COL6A6: variants seen among roughly 807,000 people sequenced by gnomAD.
COL6A6 encodes collagen type VI alpha 6 chain.
COL6A6 carries 183 observed loss-of-function variants against 208.6 expected under a neutral mutation model. The observed-to-expected ratio is 0.88, with a 90% confidence interval of 0.78 to 0.99. The LOEUF is 0.99. COL6A6 is among the 50% of genes least tolerant of loss of function. The pLI is 0.00. For synonymous variants in COL6A6, 973 were observed against 1,011.8 expected, an observed-to-expected ratio of 0.96 and a Z score of 0.73; for missense variants, 2,816 against 2,815.2, an observed-to-expected ratio of 1.00 and a Z score of -0.01.
At chr3:130,671,141 C>T (rs1339766660) in intron 36 of COL6A6, among the ~76,000 whole-genome samples, 6 of 152,126 alleles carry the variant, frequency 3.9e-5, no homozygotes, top group Admixed American at 6.5e-5. Context: ...ATGGAGAGAT[C>T]GCAGAAGGAA....
chr3:130,607,632 G>C (rs1484569848), intron 21 of COL6A6, among the ~76,000 whole-genome samples: 8 of 152,046 alleles, frequency 5.3e-5, no homozygotes, highest in Non-Finnish European at 1.2e-4. Flanking sequence ...CTCATGAAAA[G>C]AATGAAAAAT....
chr3:130,550,230 G>A (rs2062611702), intron 1 of COL6A6, among the ~76,000 whole-genome samples: 1 of 152,124 alleles, frequency 6.6e-6, no homozygotes, highest in South Asian at 2.1e-4. Flanking sequence ...GAATTTTCTA[G>A]TTATAGAATC....
intron 3 of COL6A6, 90 bp downstream of exon 3, chr3:130,563,754 AT>A: frequency 1.2e-6 from 1 of 855,140 alleles, no homozygotes; most frequent in Non-Finnish European, 1.8e-6. Context: ...GAATATTCCT[AT>A]CCCCAAAATG....
At chr3:130,548,308 A>C (rs2062565861) in intron 1 of COL6A6, among the ~76,000 whole-genome samples, 1 of 152,186 alleles carries the variant, frequency 6.6e-6, no homozygotes, top group Non-Finnish European at 1.5e-5. Context: ...AGTGTTGCAT[A>C]GTTCTATGAG....
intron 1 of COL6A6, among the ~76,000 whole-genome samples, chr3:130,521,609 C>T (rs1711074312): frequency 6.6e-6 from 1 of 152,198 alleles, no homozygotes; most frequent in Admixed American, 6.5e-5. Flanking sequence ...GGGCCCTGCC[C>T]ATATTTTCCC....
intron 36 of COL6A6, among the ~76,000 whole-genome samples, chr3:130,668,944 G>C (rs1023922889): frequency 6.6e-6 from 1 of 152,184 alleles, no homozygotes; most frequent in African/African-American, 2.4e-5. Context: ...TTCTTCTGAA[G>C]AACATATGGA....
At chr3:130,526,979 C>T (rs746107101) in intron 1 of COL6A6, among the ~76,000 whole-genome samples, 4 of 147,874 alleles carry the variant, frequency 2.7e-5, no homozygotes, top group South Asian at 2.2e-4. Context: ...AATCGGTCTC[C>T]GAGAGTTTAA....
chr3:130,612,523 G>A (rs534955667), intron 23 of COL6A6, among the ~76,000 whole-genome samples: 1 of 152,156 alleles, frequency 6.6e-6, no homozygotes, highest in African/African-American at 2.4e-5. Context: ...CAGTGATTTT[G>A]AGCAGTTTTA....
At chr3:130,603,909 T>TG (rs2064102051) in intron 20 of COL6A6, among the ~76,000 whole-genome samples, 1 of 152,120 alleles carries the variant, frequency 6.6e-6, no homozygotes, top group Non-Finnish European at 1.5e-5. Flanking sequence ...AATGAAGGAC[T>TG]GAGTACCCTG....
chr3:130,590,288 TATATATATA>T (rs2063658187), intron 12 of COL6A6, among the ~76,000 whole-genome samples: 3 of 25,010 alleles, frequency 1.2e-4, no homozygotes, highest in African/African-American at 1.9e-4. Flanking sequence ...TATATATATA[TATATATATA>T]TATTTTTTTT....
At chr3:130,545,637 G>A (rs901018240) in intron 1 of COL6A6, among the ~76,000 whole-genome samples, 1 of 150,756 alleles carries the variant, frequency 6.6e-6, no homozygotes, top group Non-Finnish European at 1.5e-5. Flanking sequence ...TATTTTTTTG[G>A]TAGAGACAGA....
chr3:130,551,386 C>T (rs1397187454), intron 1 of COL6A6, among the ~76,000 whole-genome samples: 1 of 152,116 alleles, frequency 6.6e-6, no homozygotes, highest in Non-Finnish European at 1.5e-5. Context: ...CTTCCTGATT[C>T]ACTCTTGGGA....
upstream of COL6A6, among the ~76,000 whole-genome samples, chr3:130,516,936 C>G (rs865918540): frequency 6.6e-6 from 1 of 152,192 alleles, no homozygotes; most frequent in Non-Finnish European, 1.5e-5. Context: ...ACCATGAAAG[C>G]CCCAACTTCC....
At chr3:130,622,508 T>C (rs1250918100) in intron 24 of COL6A6, among the ~76,000 whole-genome samples, 1 of 151,098 alleles carries the variant, frequency 6.6e-6, no homozygotes, top group Non-Finnish European at 1.5e-5. Context: ...TAAAATGGAG[T>C]TTTAAATGGC....
At chr3:130,614,860 C>G (rs945995303) in intron 23 of COL6A6, among the ~76,000 whole-genome samples, 17 of 151,788 alleles carry the variant, frequency 1.1e-4, no homozygotes, top group African/African-American at 3.4e-4. Flanking sequence ...TGGTAATGCC[C>G]CCTTTTTCAT....
Position 130,560,342 on chromosome 3 carries a change from T to C in COL6A6, c.-23T>C. 1 of 1,594,982 alleles carries C rather than the reference T, an allele frequency of 6.3e-7. No individual in the cohort carries two copies. Among genetic ancestry groups the C allele is most frequent in the Non-Finnish European group, 8.5e-7 (1 of 1,170,380 alleles). On this transcript the variant is annotated 5_prime_UTR_variant, in exon 2 of 37. Transcript: ENST00000358511. ...TATTTTTGCCTTTTCAGATTTGAAGTTGAAGATTTTTCAGGTCATAATATG... is the reference window on the plus strand; with the variant it reads ...TATTTTTGCCTTTTCAGATTTGAAGCTGAAGATTTTTCAGGTCATAATATG...
At chr3:130,550,234 T>C (rs767489784) in intron 1 of COL6A6, among the ~76,000 whole-genome samples, 7 of 152,236 alleles carry the variant, frequency 4.6e-5, no homozygotes, top group African/African-American at 1.2e-4. Flanking sequence ...TTTCTAGTTA[T>C]AGAATCATAT....
chr3:130,674,912 A>C (rs1414734638), intron 36 of COL6A6, among the ~76,000 whole-genome samples: 1 of 152,194 alleles, frequency 6.6e-6, no homozygotes, highest in African/African-American at 2.4e-5. Flanking sequence ...ATTTGAACCC[A>C]AATCTAAACA....
chr3:130,552,969 G>T (rs1018402227), intron 1 of COL6A6, among the ~76,000 whole-genome samples: 1 of 151,840 alleles, frequency 6.6e-6, no homozygotes, highest in African/African-American at 2.4e-5. Flanking sequence ...AATAATATAG[G>T]CCTCCAATCT....
Sources: gnomAD v4.1 joint callset for allele counts (sites outside exome capture counted in the v4.1 genomes callset) on GRCh38, gnomAD v4.1.1 for gene constraint, MANE v1.5 for transcripts, NCBI Gene and HGNC (gene_info 2026-07-23, HGNC 2026-07-21) for gene names.